The following PPP4R3A variants were observed in gnomAD, a reference collection of about 807,000 sequenced individuals.
PPP4R3A encodes the protein protein phosphatase 4 regulatory subunit 3A.
In PPP4R3A, 15 loss-of-function variants were observed where a neutral mutation model predicts 91.7. The ratio of observed to expected loss-of-function variants is 0.16; its 90% CI spans 0.11 to 0.25. The LOEUF is 0.25. Ranked by LOEUF, PPP4R3A falls within the 10% of genes least tolerant of loss-of-function variation. The probability of loss-of-function intolerance (pLI) is 1.00; values close to 1 mark genes in which losing one functional copy is unlikely to be tolerated. For synonymous variants in PPP4R3A, 377 were observed against 348.7 expected, an observed-to-expected ratio of 1.08 and a Z score of -0.91; for missense variants, 623 against 998.4, an observed-to-expected ratio of 0.62 and a Z score of 5.07.
In PPP4R3A at chr14:91,466,940, A is replaced by AACACACACACACACACC. The variant is rs1555434433; in HGVS notation, c.1661-1522_1661-1521insGGTGTGTGTGTGTGTGT. 2.7e-5 allele frequency among the ~76,000 whole-genome samples: 4 copies of AACACACACACACACACC among 147,578 alleles called. No individual in the cohort carries two copies. In the East Asian group the frequency reaches 8.0e-4, roughly 29 times the overall value. ...TTTGTGGAGACTTGTGTCCTACCAT[A>AACACACACACACACACC]ACACACACACACACACACACACACC... On this transcript the variant is annotated intron_variant, in intron 10 of 14. Coordinates refer to ENST00000554943, the MANE Select transcript of PPP4R3A (RefSeq NM_001366432.2).
intron 1 of PPP4R3A, among the ~76,000 whole-genome samples, chr14:91,503,775 G>A (rs1891108376): frequency 6.6e-6 from 1 of 152,054 alleles, no homozygotes; most frequent in Admixed American, 6.6e-5. Context: ...CACCACAAAG[G>A]GAGAGCATAA....
At chr14:91,478,371 AG>A (rs2140105773) in intron 4 of PPP4R3A, among the ~76,000 whole-genome samples, 1 of 152,374 alleles carries the variant, frequency 6.6e-6, no homozygotes, top group South Asian at 2.1e-4. Flanking sequence ...CAATGTTAAG[AG>A]GGTGTGATAT....
chr14:91,505,715 A>G (rs569541337), intron 1 of PPP4R3A, among the ~76,000 whole-genome samples: 1 of 152,348 alleles, frequency 6.6e-6, no homozygotes, highest in South Asian at 2.1e-4. Flanking sequence ...TCAACACAAT[A>G]ATGACTAGGT....
At position 91,461,426 on chromosome 14, in the gene PPP4R3A, T is replaced by G. The variant is rs1163783611; in HGVS notation, c.2346A>C (p.Gly782=). ...TCTGAGATGTATTTTTAGGTACGGA[T>G]CCAGGAGAGCCTGGAGATCCTGGGG... ...PGSPGSPGSP[G]SVPKNTSQTA... is the part of the protein sequence containing the mutation. Residue 782 remains glycine (G), a synonymous_variant, in exon 14 of 15, where the codon GGA becomes GGC. Coordinates refer to ENST00000554943, the MANE Select transcript of PPP4R3A (RefSeq NM_001366432.2). 1 of 1,614,008 alleles carries G rather than the reference T, an allele frequency of 6.2e-7. No homozygotes were observed. The highest frequency in any genetic ancestry group is 1.7e-5 in the Admixed American group (1 of 60,008).
At chr14:91,503,700 G>A (rs1229593258) in intron 1 of PPP4R3A, among the ~76,000 whole-genome samples, 1 of 151,950 alleles carries the variant, frequency 6.6e-6, no homozygotes, top group African/African-American at 2.4e-5. Flanking sequence ...ACCTGCACAC[G>A]TACCCGGGAA....
chr14:91,505,661 G>GT (rs1566658722), intron 1 of PPP4R3A, among the ~76,000 whole-genome samples: 1 of 152,124 alleles, frequency 6.6e-6, no homozygotes, highest in African/African-American at 2.4e-5. Flanking sequence ...AAAATCAAAA[G>GT]TTTTTTTGGG....
chr14:91,473,583 G>C (rs953989809), intron 7 of PPP4R3A, among the ~76,000 whole-genome samples: 1 of 152,152 alleles, frequency 6.6e-6, no homozygotes, highest in African/African-American at 2.4e-5. Context: ...GAAATTTCTT[G>C]TCTATTATCT....
chr14:91,468,663 GTC>G (rs1408520507), intron 10 of PPP4R3A, among the ~76,000 whole-genome samples: 1 of 5,818 alleles, frequency 1.7e-4, no homozygotes, highest in African/African-American at 1.0e-3. Flanking sequence ...GTGAGACTCC[GTC>G]TCAAAAAAAA....
intron 1 of PPP4R3A, among the ~76,000 whole-genome samples, chr14:91,503,389 C>G (rs960657656): frequency 1.3e-5 from 2 of 151,992 alleles, no homozygotes; most frequent in African/African-American, 4.8e-5. Flanking sequence ...TGGGCTCAAG[C>G]AATCCTCCTG....
At chr14:91,495,523 G>A (rs1595082519) in intron 1 of PPP4R3A, among the ~76,000 whole-genome samples, 1 of 152,040 alleles carries the variant, frequency 6.6e-6, no homozygotes, top group South Asian at 2.1e-4. Flanking sequence ...TTTAGGGCTG[G>A]GAGGAAGTGA....
intron 12 of PPP4R3A, among the ~76,000 whole-genome samples, 158 bp downstream of exon 12, chr14:91,462,577 G>A (rs1661678698): frequency 6.6e-6 from 1 of 150,720 alleles, no homozygotes; most frequent in South Asian, 2.1e-4. Flanking sequence ...AATCTTCAGG[G>A]AAACATTTAT....
At chr14:91,466,529 T>C (rs1249639456) in intron 10 of PPP4R3A, 1 of 647,356 alleles carries the variant, frequency 1.5e-6, no homozygotes, top group Non-Finnish European at 1.9e-6. Flanking sequence ...GCCTTAACAA[T>C]GCAACTTATT....
At chr14:91,494,878 C>A (rs1890444731) in intron 1 of PPP4R3A, among the ~76,000 whole-genome samples, 1 of 152,020 alleles carries the variant, frequency 6.6e-6, no homozygotes, top group Non-Finnish European at 1.5e-5. Context: ...AAACAAAAAC[C>A]AAAACCACAA....
At chr14:91,502,903 G>C (rs539710845) in intron 1 of PPP4R3A, among the ~76,000 whole-genome samples, 1 of 152,222 alleles carries the variant, frequency 6.6e-6, no homozygotes, top group African/African-American at 2.4e-5. Flanking sequence ...CAAGTACTTC[G>C]TAATAAGGAG....
chr14:91,462,945 AATC>A, intron 11 of PPP4R3A, 68 bp from the exon 12 acceptor site: 1 of 1,223,700 alleles, frequency 8.2e-7, no homozygotes, highest in South Asian at 1.3e-5. Context: ...GGCTTAATTT[AATC>A]AATTCATACC....
intron 1 of PPP4R3A, among the ~76,000 whole-genome samples, chr14:91,497,341 TACACAC>T (rs10542688): frequency 0.028 from 4,125 of 148,470 alleles, 75 homozygotes; most frequent in African/African-American, 0.034. Context: ...ATCTTTTATT[TACACAC>T]ACACACACAC....
In PPP4R3A at chr14:91,481,687, C is replaced by G; in HGVS notation, c.804G>C (p.Gln268His). 1 of 1,614,034 alleles carries G rather than the reference C, an allele frequency of 6.2e-7. No individual in the cohort carries two copies. Among genetic ancestry groups the G allele is most frequent in the Non-Finnish European group, 8.5e-7 (1 of 1,179,994 alleles). The change falls in exon 4 of 15, where the codon CAG (glutamine) becomes CAC (histidine). Residue 268 changes from glutamine to histidine, a missense_variant. By Grantham distance (24) the Gln-to-His change is conservative. Around this residue, in one of 5 missense-constraint regions of PPP4R3A, gnomAD observed 264 missense variants for 377.3 expected, o/e 0.70. Transcript: ENST00000554943. ...TTGGTAGAACCATATCTTGTATATACTGAACTCTGTATGTCTGATGAATTT... is the reference window on the plus strand; with the variant it reads ...TTGGTAGAACCATATCTTGTATATAGTGAACTCTGTATGTCTGATGAATTT... ...KQKIHQTYRV[Q>H]YIQDMVLPTP...
intron 1 of PPP4R3A, among the ~76,000 whole-genome samples, chr14:91,506,542 T>C (rs1891304308): frequency 6.6e-6 from 1 of 152,152 alleles, no homozygotes; most frequent in African/African-American, 2.4e-5. Flanking sequence ...GAATTTTTTC[T>C]AAGTCCATGG....
Position 91,475,949 on chromosome 14 carries a change from C to T in PPP4R3A, c.1128G>A (p.Gln376=). 6 of 1,595,208 alleles carry T rather than the reference C, an allele frequency of 3.8e-6. No individual in the cohort carries two copies. Among genetic ancestry groups the T allele is most frequent in the Non-Finnish European group, 4.3e-6 (5 of 1,174,694 alleles). The change falls in exon 7 of 15, where the codon CAG becomes CAA. Residue 376 remains glutamine (Q), a synonymous_variant. Coordinates refer to ENST00000554943, the MANE Select transcript of PPP4R3A (RefSeq NM_001366432.2). ...LEVILGMDDT[Q]VRSAATDIFS... ...ATATATCAGTAGCAGCACTTCGCAC[C>T]TGTGTATCATCCATGCCCTGCAGAC...
Sources: allele counts gnomAD v4.1 joint callset (sites outside exome capture counted in the v4.1 genomes callset), GRCh38; gene constraint gnomAD v4.1.1; regional missense constraint gnomAD v4.1.1; transcripts MANE v1.5; gene names NCBI Gene and HGNC (gene_info 2026-07-23, HGNC 2026-07-21).